TMEM114: variants seen among roughly 807,000 people sequenced by gnomAD.
TMEM114 encodes transmembrane protein 114, also known as claudin-26.
TMEM114 carries 6 observed loss-of-function variants against 6.2 expected under a neutral mutation model. That is an observed-to-expected ratio of 0.97 (90% CI 0.53 to 1.91). The LOEUF is 1.91. TMEM114 is among the 40% of genes most tolerant of loss of function. TMEM114 has a pLI of 0.01. For missense variants in TMEM114, 218 were observed against 158.3 expected (o/e 1.38, Z -2.02); for synonymous variants, 104 against 73.0 (o/e 1.42, Z -2.16).
At position 8,581,563 on chromosome 16, in the gene TMEM114, C is replaced by T. The variant is rs1229409684; in HGVS notation, c.301+7650G>A. On this transcript the variant is annotated intron_variant, in intron 2 of 3. Transcript: ENST00000620492. The stretch of plus-strand genomic sequence containing the variant: ...CTGCCTCTTGAGCTCAAGCAATTCC[C>T]GTGCCTCAGCCTCCCAAGTAGCTGG... Among the ~76,000 whole-genome samples, 14 of 152,310 alleles carry T rather than the reference C, an allele frequency of 9.2e-5. No individual in the cohort carries two copies. The East Asian group carries it at 1.9e-3, about 21-fold the overall frequency.
chr16:8,584,907 A>G (rs1902267357), intron 2 of TMEM114, among the ~76,000 whole-genome samples: 1 of 142,384 alleles, frequency 7.0e-6, no homozygotes, highest in African/African-American at 2.6e-5. Context: ...GGGCTACAAG[A>G]GTGAAACGCC....
rs368334644 is a variant in TMEM114 at position 8,585,563 on chromosome 16, C to T, written c.301+3650G>A. Among the ~76,000 whole-genome samples the T allele has an allele frequency of 2.6e-5, 4 of 151,464 alleles. No homozygotes were observed. The East Asian group carries it at 7.7e-4, about 29-fold the overall frequency. On this transcript the variant is annotated intron_variant, in intron 2 of 3. Coordinates refer to ENST00000620492, the MANE Select transcript of TMEM114 (RefSeq NM_001146336.2). ...GCAGGTCCTTAAAGGAATGAAACAT[C>T]TTCATATAATAGAAGAGCTTGGACC... is the stretch of plus-strand genomic sequence containing the variant.
At chr16:8,570,469 A>C (rs1881352) in intron 3 of TMEM114, among the ~76,000 whole-genome samples, 148,856 of 152,166 alleles carry the variant, frequency 0.98, 72,826 homozygotes, top group East Asian at 1. Context: ...GTAGCTGGGA[A>C]TACAGATGCC....
chr16:8,540,561 A>C (rs886532596), intron 2 of TMEM114, among the ~76,000 whole-genome samples: 2 of 152,106 alleles, frequency 1.3e-5, no homozygotes, highest in Non-Finnish European at 2.9e-5. Flanking sequence ...TAGTCAATGA[A>C]AGATACAGAA....
intron 2 of TMEM114, among the ~76,000 whole-genome samples, chr16:8,558,547 T>G (rs1025484106): frequency 1.3e-5 from 2 of 152,196 alleles, no homozygotes; most frequent in Non-Finnish European, 2.9e-5. Flanking sequence ...TAAAGACCGC[T>G]TTTCCTAAGT....
intron 2 of TMEM114, among the ~76,000 whole-genome samples, chr16:8,587,455 A>C (rs1265356071): frequency 6.6e-6 from 1 of 152,220 alleles, no homozygotes; most frequent in East Asian, 1.9e-4. Context: ...TACAATTTGC[A>C]CTTAGCAGTT....
At chr16:8,555,407 T>G (rs1174159953) in intron 2 of TMEM114, among the ~76,000 whole-genome samples, 1 of 152,232 alleles carries the variant, frequency 6.6e-6, no homozygotes, top group East Asian at 1.9e-4. Flanking sequence ...TATACCCACT[T>G]TTAATGATAT....
intron 2 of TMEM114, among the ~76,000 whole-genome samples, chr16:8,562,101 T>A (rs1184164743): frequency 6.6e-6 from 1 of 151,414 alleles, no homozygotes; most frequent in Non-Finnish European, 1.5e-5. Flanking sequence ...AGTGAGTGAA[T>A]GAGTGAGCGA....
At chr16:8,560,623 C>T (rs1419791171) in intron 2 of TMEM114, among the ~76,000 whole-genome samples, 1 of 152,098 alleles carries the variant, frequency 6.6e-6, no homozygotes, top group South Asian at 2.1e-4. Flanking sequence ...CGAGTCTCAC[C>T]CTGGTTTCTC....
At position 8,572,197 on chromosome 16, in the gene TMEM114, A is replaced by G; in HGVS notation, c.329T>C (p.Leu110Pro). 6.4e-7 allele frequency: 1 copy of G among 1,551,706 alleles called. No individual in the cohort carries two copies. Among genetic ancestry groups the G allele is most frequent in the Non-Finnish European group, 8.7e-7 (1 of 1,146,994 alleles). The change falls in exon 3 of 4, where the codon CTG (leucine) becomes CCG (proline). Residue 110 changes from leucine to proline, a missense_variant. Coordinates refer to ENST00000620492, the MANE Select transcript of TMEM114 (RefSeq NM_001146336.2). ...LTMHGTFVIL[L>P]PLSLILMVFG... ...AACCATCAGGATCAGGCTGAGCGGC[A>G]GCAGAATCACAAATGTCCCATGCAT...
chr16:8,544,920 T>TTCTCTCTC (rs144585319), intron 2 of TMEM114, among the ~76,000 whole-genome samples: 8,444 of 147,856 alleles, frequency 0.057, 746 homozygotes, highest in African/African-American at 0.18. Flanking sequence ...CTCAACATCT[T>TTCTCTCTC]TCTCTCTCTC....
chr16:8,531,415 G>T, the TMEM114 span, among the ~76,000 whole-genome samples: 353 of 152,294 alleles, frequency 2.3e-3, 2 homozygotes, highest in African/African-American at 7.4e-3. Context: ...AAGTGTTTCA[G>T]CTGGGAAATC....
downstream of TMEM114, among the ~76,000 whole-genome samples, chr16:8,535,529 T>C (rs1478236471): frequency 6.6e-6 from 1 of 152,206 alleles, no homozygotes; most frequent in East Asian, 1.9e-4. Context: ...TTTATTACTT[T>C]TTTAATACAT....
downstream of TMEM114, among the ~76,000 whole-genome samples, chr16:8,565,312 A>T (rs1305196313): frequency 6.6e-6 from 1 of 152,170 alleles, no homozygotes; most frequent in Non-Finnish European, 1.5e-5. Flanking sequence ...AAATAAGTGA[A>T]GCAATGAGTG....
intron 2 of TMEM114, among the ~76,000 whole-genome samples, chr16:8,553,439 C>T (rs1476959489): frequency 6.6e-6 from 1 of 152,042 alleles, no homozygotes; most frequent in South Asian, 2.1e-4. Flanking sequence ...CTCTGTTGCC[C>T]AGGCTGGAGT....
intron 2 of TMEM114, among the ~76,000 whole-genome samples, chr16:8,556,575 C>T (rs772062161): frequency 4.6e-5 from 7 of 152,080 alleles, no homozygotes; most frequent in Admixed American, 6.5e-5. Context: ...GATCTTGGCT[C>T]ACTGCAACCT....
downstream of TMEM114, among the ~76,000 whole-genome samples, chr16:8,533,183 G>T (rs547718444): frequency 9.9e-5 from 15 of 152,160 alleles, no homozygotes; most frequent in Non-Finnish European, 1.6e-4. Context: ...ATAGTGATGA[G>T]AGCTGATAAA....
In TMEM114 at chr16:8,589,681, G is replaced by C. The variant is rs1196055034; in HGVS notation, c.158C>G (p.Ser53Cys). Residue 53 changes from serine to cysteine, a missense_variant, in exon 1 of 4, where the codon TCC becomes TGC. Coordinates refer to ENST00000620492, the MANE Select transcript of TMEM114 (RefSeq NM_001146336.2). ...AGGCTCGGGCTGGCTGCGATTGATG[G>C]ACCCCAGCAGGTCCTGCGCCCCCGG... Reference protein sequence around the residue: ...TGPGAQDLLGSINRSQPEPLS... With the variant: ...TGPGAQDLLGCINRSQPEPLS... 2 of 398,386 alleles carry C rather than the reference G, an allele frequency of 5.0e-6. No individual in the cohort carries two copies. Among genetic ancestry groups the C allele is most frequent in the East Asian group, 3.6e-5 (1 of 28,064 alleles). The allele number at this position is 398,386 out of a possible 1,614,324, so 24.7% of individuals were successfully genotyped here.
rs532193652 is a variant in TMEM114, at chr16:8,562,012, C to T, written n.213-24186G>A. On this transcript the variant is annotated intron_variant and non_coding_transcript_variant, in intron 2 of 2. Transcript: ENST00000623677. The stretch of plus-strand genomic sequence containing the variant: ...AGTATATGAATGAGTAAATGAGTGA[C>T]TGAATGTGTGAGTGAATGAGTGAGT... 1.0e-3 allele frequency among the ~76,000 whole-genome samples: 119 copies of T among 115,640 alleles called. No individual in the cohort carries two copies. In the South Asian group the frequency reaches 0.031, roughly 30 times the overall value. 75.9% of individuals were successfully genotyped at this position (115,640 alleles called of 152,430 possible).
Sources: allele counts gnomAD v4.1 joint callset (sites outside exome capture counted in the v4.1 genomes callset), GRCh38; gene constraint gnomAD v4.1.1; transcripts MANE v1.5; gene names NCBI Gene and HGNC (gene_info 2026-07-23, HGNC 2026-07-21).